Variants in GLIS3 observed in about 807,000 individuals in gnomAD.
GLIS3 encodes the protein GLIS family zinc finger 3, also known as zinc finger protein GLIS3.
Under a neutral mutation model 78.6 loss-of-function variants are expected in GLIS3, and 53 were observed. The observed-to-expected ratio is 0.67, with a 90% CI of 0.54 to 0.85. The LOEUF (loss-of-function observed/expected upper bound fraction) is 0.85, where lower values mean the gene tolerates loss of function less well. GLIS3 is among the 40% of genes least tolerant of loss of function. The pLI is 0.00. For synonymous variants in GLIS3, 684 were observed against 509.9 expected, an observed-to-expected ratio of 1.34 and a Z score of -4.60; for missense variants, 1,703 against 1,231.1, an observed-to-expected ratio of 1.38 and a Z score of -5.74.
the GLIS3 span, chr9:4,490,315 C>A: frequency 6.0e-6 from 1 of 168,052 alleles, no homozygotes; most frequent in Non-Finnish European, 1.3e-5. Flanking sequence ...CAGCGCTGGG[C>A]GCCCTACCAC....
intron 9 of GLIS3, among the ~76,000 whole-genome samples, chr9:3,844,647 A>C (rs1818927619): frequency 6.6e-6 from 1 of 152,176 alleles, no homozygotes; most frequent in Non-Finnish European, 1.5e-5. Context: ...CTCATCAATA[A>C]ATTTCTGAGT....
chr9:4,114,837 T>C (rs895220674), intron 4 of GLIS3, among the ~76,000 whole-genome samples: 12 of 149,882 alleles, frequency 8.0e-5, no homozygotes, highest in African/African-American at 3.0e-4. Context: ...AAGGGTGGAG[T>C]TGTCGGGGTA....
At chr9:4,280,662 G>A (rs1051148839) in intron 2 of GLIS3, among the ~76,000 whole-genome samples, 1 of 152,154 alleles carries the variant, frequency 6.6e-6, no homozygotes, top group Middle Eastern at 3.2e-3. Flanking sequence ...TAGCTGGGTA[G>A]GGCACCTGGG....
At chr9:4,229,056 C>A (rs1390934038) in intron 2 of GLIS3, among the ~76,000 whole-genome samples, 1 of 152,014 alleles carries the variant, frequency 6.6e-6, no homozygotes, top group African/African-American at 2.4e-5. Context: ...GGAATGAGCT[C>A]CAAAATTAGT....
At chr9:3,934,354 C>T (rs966096392) in intron 5 of GLIS3, among the ~76,000 whole-genome samples, 5 of 151,786 alleles carry the variant, frequency 3.3e-5, no homozygotes, top group Non-Finnish European at 7.4e-5. Context: ...TAAATTGATG[C>T]CATTATTATT....
At chr9:4,214,555 G>C (rs997484576) in intron 2 of GLIS3, among the ~76,000 whole-genome samples, 2 of 152,150 alleles carry the variant, frequency 1.3e-5, no homozygotes, top group Non-Finnish European at 2.9e-5. Flanking sequence ...CACGCCAGGA[G>C]GAACAACAGA....
chr9:4,342,806 T>C (rs1253708699), intron 2 of GLIS3, among the ~76,000 whole-genome samples: 4 of 152,232 alleles, frequency 2.6e-5, no homozygotes, highest in Admixed American at 2.0e-4. Flanking sequence ...AGAGATCTTT[T>C]ACCTCCCTGA....
chr9:3,987,939 G>T (rs1195486341), intron 4 of GLIS3, among the ~76,000 whole-genome samples: 1 of 151,946 alleles, frequency 6.6e-6, no homozygotes, highest in African/African-American at 2.4e-5. Flanking sequence ...AACGATACAT[G>T]AACATCAATT....
At chr9:4,267,641 A>T (rs755166820) in intron 2 of GLIS3, among the ~76,000 whole-genome samples, 8 of 152,232 alleles carry the variant, frequency 5.3e-5, no homozygotes, top group Non-Finnish European at 1.2e-4. Context: ...CCTGAAAATC[A>T]GGTTTCCTCA....
chr9:4,281,396 C>G lies in GLIS3; in HGVS notation c.388+4642G>C, dbSNP rs185763920. On this transcript the variant is annotated intron_variant, in intron 2 of 10. Transcript: ENST00000381971. ...TTACCCATCTCCAAAACTTTTCCAT[C>G]CTCACCAACTGAAGCTCTGTACCCA... Among the ~76,000 whole-genome samples, 95 of 152,264 alleles carry G rather than the reference C, an allele frequency of 6.2e-4. 2 individuals carry two copies. In the East Asian group the frequency reaches 0.014, roughly 22 times the overall value.
chr9:4,278,317 G>C lies in GLIS3; in HGVS notation c.388+7721C>G, dbSNP rs76499353. On this transcript the variant is annotated intron_variant, in intron 2 of 10. Transcript: ENST00000381971. Reference sequence around the variant, plus strand: ...CAGTTTTCCAGATATTCCCCACTAAGAGGGACTTGAGCTTCTTGGGAAAAT... The same window carrying C: ...CAGTTTTCCAGATATTCCCCACTAACAGGGACTTGAGCTTCTTGGGAAAAT... Among the ~76,000 whole-genome samples the C allele has an allele frequency of 2.8e-3, 431 of 152,316 alleles. 2 individuals are homozygous for C. Among genetic ancestry groups the C allele is most frequent in the Non-Finnish European group, 4.6e-3 (312 of 68,032 alleles).
At chr9:3,914,331 ATTT>A (rs35662964) in intron 6 of GLIS3, among the ~76,000 whole-genome samples, 11 of 129,160 alleles carry the variant, frequency 8.5e-5, no homozygotes, top group Non-Finnish European at 9.9e-5. Flanking sequence ...AGATTTTTGG[ATTT>A]TTTTTTTTTT....
chr9:4,427,148 G>A, the GLIS3 span, among the ~76,000 whole-genome samples: 1 of 152,080 alleles, frequency 6.6e-6, no homozygotes, highest in African/African-American at 2.4e-5. Flanking sequence ...TTTATGCATG[G>A]GTGAGAGGCG....
At chr9:4,012,693 C>G (rs565252881) in intron 4 of GLIS3, among the ~76,000 whole-genome samples, 103 of 151,454 alleles carry the variant, frequency 6.8e-4, no homozygotes, top group Non-Finnish European at 1.3e-3. Flanking sequence ...GCCACCATCT[C>G]TCTTGATCTT....
At chr9:3,889,405 A>G (rs900302479) in intron 7 of GLIS3, among the ~76,000 whole-genome samples, 23 of 152,214 alleles carry the variant, frequency 1.5e-4, no homozygotes, top group African/African-American at 5.5e-4. Flanking sequence ...TTCAATGGAA[A>G]CAGCTTTGCC....
At chr9:4,348,494 A>G (rs1169392436), upstream of GLIS3, 1 of 152,228 alleles carries the variant, frequency 6.6e-6, no homozygotes, top group Non-Finnish European at 1.5e-5. Context: ...ATTGATAATA[A>G]CTATTCTACT....
intron 4 of GLIS3, among the ~76,000 whole-genome samples, chr9:4,051,605 G>A (rs894091837): frequency 1.3e-5 from 2 of 152,162 alleles, no homozygotes; most frequent in African/African-American, 4.8e-5. Flanking sequence ...TGGTCATAAA[G>A]ACTTGAGAAA....
At chr9:4,253,759 G>C (rs138201684) in intron 2 of GLIS3, among the ~76,000 whole-genome samples, 1 of 152,176 alleles carries the variant, frequency 6.6e-6, no homozygotes, top group Non-Finnish European at 1.5e-5. Flanking sequence ...GGAACATCCC[G>C]GTCTGCAGGT....
At chr9:4,074,082 A>C (rs1827848008) in intron 4 of GLIS3, among the ~76,000 whole-genome samples, 1 of 152,170 alleles carries the variant, frequency 6.6e-6, no homozygotes, top group Non-Finnish European at 1.5e-5. Context: ...CTATTTCTCC[A>C]GCTCCCTTCC....
Sources: gnomAD v4.1 joint callset for allele counts (sites outside exome capture counted in the v4.1 genomes callset) on GRCh38, gnomAD v4.1.1 for gene constraint, MANE v1.5 for transcripts, NCBI Gene and HGNC (gene_info 2026-07-23, HGNC 2026-07-21) for gene names.